The following TENM1 variants were observed in gnomAD, a reference collection of about 807,000 sequenced individuals.
TENM1 encodes teneurin-1.
Under a neutral mutation model 174.8 loss-of-function variants are expected in TENM1, and 35 were observed. The ratio of observed to expected loss-of-function variants is 0.20; its 90% CI spans 0.15 to 0.27. The LOEUF (loss-of-function observed/expected upper bound fraction) is 0.27, where lower values mean the gene tolerates loss of function less well. TENM1 is among the 10% of genes least tolerant of loss of function. The pLI, the probability that TENM1 is intolerant of heterozygous loss-of-function variation, is 1.00. For synonymous variants in TENM1, 781 were observed against 798.7 expected (o/e 0.98, Z 0.37); for missense variants, 1,633 against 2,130.1 (o/e 0.77, Z 4.59).
At chrX:124,778,783 A>AT (rs2054840760) in intron 3 of TENM1, among the ~76,000 whole-genome samples, 2 of 112,036 alleles carry the variant, frequency 1.8e-5, no homozygotes, top group South Asian at 7.5e-4. Flanking sequence ...AATTTCTGCT[A>AT]TTTTATCTGC....
intron 23 of TENM1, among the ~76,000 whole-genome samples, chrX:124,453,044 A>G (rs963793488): frequency 4.5e-5 from 5 of 111,683 alleles, no homozygotes; most frequent in Non-Finnish European, 9.4e-5. Flanking sequence ...TTATCTTGGA[A>G]ATATTCAATA....
At chrX:124,721,890 C>T (rs1278436759) in intron 4 of TENM1, among the ~76,000 whole-genome samples, 3 of 112,366 alleles carry the variant, frequency 2.7e-5, no homozygotes, top group Non-Finnish European at 5.6e-5. Flanking sequence ...TGCGTGCATA[C>T]TTATATATGT....
chrX:125,094,681 T>C, the TENM1 span, among the ~76,000 whole-genome samples: 1 of 112,085 alleles, frequency 8.9e-6, no homozygotes, highest in Admixed American at 9.5e-5. Context: ...ATGTTTTGGG[T>C]TCTATTGATG....
rs1014586845 is a variant in TENM1, at chrX:124,873,893, C to T, written c.535+20403G>A. 1.1e-3 allele frequency among the ~76,000 whole-genome samples: 126 copies of T among 111,406 alleles called. 1 individual carries two copies. The highest frequency in any genetic ancestry group is 3.8e-3 in the African/African-American group (117 of 30,796). On this transcript the variant is annotated intron_variant, in intron 3 of 31. Transcript: ENST00000422452. ...ACAAATAGTGTCAATGGAGTTAAAACCCCCTGTGCAATTCCGCTTGAGCCA... is the reference window on the plus strand; with the variant it reads ...ACAAATAGTGTCAATGGAGTTAAAATCCCCTGTGCAATTCCGCTTGAGCCA...
At chrX:124,548,104 G>A (rs2048474866) in intron 14 of TENM1, among the ~76,000 whole-genome samples, 1 of 112,049 alleles carries the variant, frequency 8.9e-6, no homozygotes, top group Admixed American at 9.4e-5. Context: ...CCAAAGTGCT[G>A]GGATTACAGG....
chrX:124,691,686 TG>T (rs1171738779), intron 5 of TENM1, among the ~76,000 whole-genome samples: 1 of 112,262 alleles, frequency 8.9e-6, no homozygotes, highest in African/African-American at 3.2e-5. Context: ...AGATTATTTA[TG>T]GTCTGCCTAC....
chrX:124,563,630 G>T, intron 13 of TENM1, 119 bp downstream of exon 16: 1 of 532,917 alleles, frequency 1.9e-6, no homozygotes, highest in Non-Finnish European at 3.0e-6. Flanking sequence ...ATTTAAATAA[G>T]ATTGCCAAAA....
At chrX:124,479,036 C>G (rs1337086368) in intron 22 of TENM1, among the ~76,000 whole-genome samples, 2 of 112,418 alleles carry the variant, frequency 1.8e-5, no homozygotes, top group African/African-American at 3.2e-5. Flanking sequence ...TGAGTGCTGA[C>G]TATATTCAGC....
intron 10 of TENM1, 78 bp downstream of exon 13, chrX:124,645,065 A>T: frequency 9.8e-7 from 1 of 1,023,168 alleles, no homozygotes; most frequent in Non-Finnish European, 1.4e-6. Flanking sequence ...TTGCATCTCT[A>T]CTAGGAGAAC....
the TENM1 span, among the ~76,000 whole-genome samples, chrX:125,174,888 C>A: frequency 9.0e-6 from 1 of 111,533 alleles, no homozygotes; most frequent in Non-Finnish European, 1.9e-5. Context: ...CTTTAACTGC[C>A]CTTGGCCTCA....
At chrX:125,056,101 T>C in the TENM1 span, among the ~76,000 whole-genome samples, 2 of 109,196 alleles carry the variant, frequency 1.8e-5, no homozygotes, top group African/African-American at 6.7e-5. Flanking sequence ...TGTTGCAGAA[T>C]GAAAAAAAAA....
chrX:124,995,967 C>T, the TENM1 span, among the ~76,000 whole-genome samples: 1 of 110,851 alleles, frequency 9.0e-6, no homozygotes, highest in South Asian at 3.7e-4. Context: ...CCAAAGAGAA[C>T]ACTATTCTTT....
chrX:124,671,169 A>AT (rs1055439940), intron 6 of TENM1, among the ~76,000 whole-genome samples: 1 of 108,040 alleles, frequency 9.3e-6, no homozygotes, highest in Non-Finnish European at 1.9e-5. Flanking sequence ...ACTCAAAGTG[A>AT]TTTTTTTTTT....
chrX:124,559,967 G>A (rs1602663382), intron 14 of TENM1, among the ~76,000 whole-genome samples: 1 of 110,753 alleles, frequency 9.0e-6, no homozygotes, highest in African/African-American at 3.3e-5. Flanking sequence ...CTTAAATTAT[G>A]GACAGAGAAC....
At chrX:124,588,442 CA>C (rs2049614781) in intron 11 of TENM1, among the ~76,000 whole-genome samples, 1 of 103,036 alleles carries the variant, frequency 9.7e-6, no homozygotes, top group Non-Finnish European at 2.0e-5. Context: ...ACAGCAAGGA[CA>C]AAAAAACCAA....
exon 17 of TENM1, chrX:124,523,492 C>T: frequency 8.3e-7 from 1 of 1,211,502 alleles, no homozygotes; most frequent in South Asian, 1.8e-5. Flanking sequence ...TCTGATACAA[C>T]TCTCTGCATG....
chrX:124,616,843 T>TA (rs1248601269), intron 11 of TENM1, among the ~76,000 whole-genome samples: 1 of 111,466 alleles, frequency 9.0e-6, no homozygotes, highest in Non-Finnish European at 1.9e-5. Flanking sequence ...AGTAGAGAAC[T>TA]ACAGCAATTC....
At chrX:124,581,698 T>A (rs1243151125) in intron 11 of TENM1, among the ~76,000 whole-genome samples, 1 of 101,742 alleles carries the variant, frequency 9.8e-6, no homozygotes, top group Non-Finnish European at 2.0e-5. Flanking sequence ...CTCACTAGCA[T>A]CTGTTATTTT....
the TENM1 span, among the ~76,000 whole-genome samples, chrX:124,969,696 C>T: frequency 8.1e-5 from 9 of 111,658 alleles, no homozygotes; most frequent in South Asian, 1.9e-3. Context: ...ATGTAGTAAA[C>T]GGCAGGACTG....
Sources: allele counts gnomAD v4.1 joint callset (sites outside exome capture counted in the v4.1 genomes callset), GRCh38; gene constraint gnomAD v4.1.1; transcripts MANE v1.5; gene names NCBI Gene and HGNC (gene_info 2026-07-23, HGNC 2026-07-21).